The following DLGAP1 variants were observed in gnomAD, a reference collection of about 807,000 sequenced individuals.
The protein encoded by DLGAP1 is disks large-associated protein 1.
DLGAP1 carries 11 observed loss-of-function variants against 90.8 expected under a neutral mutation model. The observed-to-expected ratio is 0.12, with a 90% CI of 0.08 to 0.20. The LOEUF is 0.20. Among genes scored for constraint, DLGAP1 ranks in the 10% least tolerant of loss-of-function variants. The pLI is 1.00. For missense variants in DLGAP1, 1,050 were observed against 1,333.8 expected (o/e 0.79, Z 3.31); for synonymous variants, 558 against 540.7 (o/e 1.03, Z -0.44).
chr18:4,076,594 C>T (rs2075526043), intron 2 of DLGAP1, among the ~76,000 whole-genome samples: 1 of 152,004 alleles, frequency 6.6e-6, no homozygotes, highest in African/African-American at 2.4e-5. Flanking sequence ...ATTTTTCTCA[C>T]AACACTCTGT....
At position 3,893,560 on chromosome 18, in the gene DLGAP1, C is replaced by T. The variant is rs553073023; in HGVS notation, c.-72-13420G>A. Among the ~76,000 whole-genome samples, 5 of 149,622 alleles carry T rather than the reference C, an allele frequency of 3.3e-5. No individual in the cohort carries two copies. The East Asian group carries it at 9.8e-4, about 29-fold the overall frequency. On this transcript the variant is annotated intron_variant, in intron 3 of 12. Transcript: ENST00000315677. ...CACCACTGCACTCCAGCCTGGGCGA[C>T]AAGAGCAAAACTCAATCTCAAAATA...
intron 7 of DLGAP1, among the ~76,000 whole-genome samples, chr18:3,609,784 G>A (rs78262755): frequency 1.3e-5 from 2 of 151,516 alleles, no homozygotes; most frequent in East Asian, 2.0e-4. Context: ...GAGGCCGGGC[G>A]CGGTGGCTCA....
chr18:3,592,018 C>T (rs2056274823), intron 7 of DLGAP1, among the ~76,000 whole-genome samples: 1 of 152,028 alleles, frequency 6.6e-6, no homozygotes, highest in Non-Finnish European at 1.5e-5. Context: ...ATAGGGGGCT[C>T]AACTAGATGA....
chr18:4,101,942 A>T (rs1390697968), intron 2 of DLGAP1, among the ~76,000 whole-genome samples: 1 of 152,058 alleles, frequency 6.6e-6, no homozygotes, highest in Non-Finnish European at 1.5e-5. Context: ...ATACATATAC[A>T]AGCAGTTATA....
At chr18:4,229,719 T>C (rs1324077221) in intron 1 of DLGAP1, among the ~76,000 whole-genome samples, 1 of 151,884 alleles carries the variant, frequency 6.6e-6, no homozygotes, top group East Asian at 1.9e-4. Flanking sequence ...ATGAAACTAC[T>C]ACAAGAAAAC....
Position 3,720,888 on chromosome 18 carries a change from C to CCAAAAAAAAAAAAAAAAAAAA in DLGAP1, c.1591+8246_1591+8247insTTTTTTTTTTTTTTTTTTTTG, listed in dbSNP as rs1441095000. ...GCAACATACTAAGACCTTGTCTCTACAAAAAAAAAAAAAAAAAAAAATTAG... is the reference window on the plus strand; with the variant it reads ...GCAACATACTAAGACCTTGTCTCTACCAAAAAAAAAAAAAAAAAAAAAAAAAAAAAAAAAAAAAAAAATTAG... On this transcript the variant is annotated intron_variant, in intron 7 of 12. Coordinates refer to ENST00000315677, the MANE Select transcript of DLGAP1 (RefSeq NM_004746.4). Among the ~76,000 whole-genome samples, 462 of 50,274 alleles carry CCAAAAAAAAAAAAAAAAAAAA rather than the reference C, an allele frequency of 9.2e-3. 69 individuals carry two copies. The highest frequency in any genetic ancestry group is 0.035 in the African/African-American group (436 of 12,464). The allele number at this position is 50,274 out of a possible 152,430, so 33.0% of individuals were successfully genotyped here. A position where few individuals can be genotyped will look rare whatever the true frequency, so the allele number is the denominator to read the frequency against.
chr18:4,157,671 T>C (rs1028741005), intron 1 of DLGAP1, among the ~76,000 whole-genome samples: 1 of 152,216 alleles, frequency 6.6e-6, no homozygotes, highest in Non-Finnish European at 1.5e-5. Flanking sequence ...GAGCAGGGGC[T>C]GTCTGCACAC....
At chr18:3,589,516 A>G (rs1404535615) in intron 7 of DLGAP1, among the ~76,000 whole-genome samples, 3 of 152,206 alleles carry the variant, frequency 2.0e-5, no homozygotes, top group Non-Finnish European at 4.4e-5. Flanking sequence ...GAGCAAGTCC[A>G]TAAGGAACCA....
intron 2 of DLGAP1, among the ~76,000 whole-genome samples, chr18:4,079,827 G>A (rs999481381): frequency 6.6e-6 from 1 of 151,930 alleles, no homozygotes; most frequent in African/African-American, 2.4e-5. Flanking sequence ...TGAGTTAAGG[G>A]GGAAAAATCC....
At chr18:3,525,170 T>C (rs633882) in intron 10 of DLGAP1, among the ~76,000 whole-genome samples, 6 of 152,216 alleles carry the variant, frequency 3.9e-5, no homozygotes, top group Admixed American at 6.5e-5. Context: ...AATTTTTTTT[T>C]CCCAGTTCCA....
intron 1 of DLGAP1, among the ~76,000 whole-genome samples, chr18:4,312,755 CTA>C (rs2080431520): frequency 6.6e-6 from 1 of 151,952 alleles, no homozygotes; most frequent in African/African-American, 2.4e-5. Context: ...CTGAATAATT[CTA>C]TGATATAATC....
At chr18:4,019,326 C>T (rs1489970504) in intron 2 of DLGAP1, among the ~76,000 whole-genome samples, 1 of 152,060 alleles carries the variant, frequency 6.6e-6, no homozygotes, top group Non-Finnish European at 1.5e-5. Context: ...CTTCTTTTCT[C>T]AGTGGTCTTC....
intron 3 of DLGAP1, among the ~76,000 whole-genome samples, chr18:4,002,410 G>A (rs567087232): frequency 2.6e-5 from 4 of 152,146 alleles, no homozygotes; most frequent in South Asian, 4.2e-4. Context: ...CTGCCACCCC[G>A]AGACAGCAAG....
chr18:4,094,434 G>C (rs754973200), intron 2 of DLGAP1, among the ~76,000 whole-genome samples: 1 of 151,776 alleles, frequency 6.6e-6, no homozygotes, highest in Non-Finnish European at 1.5e-5. Flanking sequence ...CATTTCAGTT[G>C]TTATCTCTAT....
chr18:4,436,422 G>C (rs1378208426), intron 1 of DLGAP1, among the ~76,000 whole-genome samples: 1 of 151,980 alleles, frequency 6.6e-6, no homozygotes, highest in Admixed American at 6.6e-5. Context: ...TTCCAAACTA[G>C]GGCCTGAGAA....
chr18:3,988,648 G>A (rs1189266542), intron 3 of DLGAP1, among the ~76,000 whole-genome samples: 8 of 152,044 alleles, frequency 5.3e-5, no homozygotes, highest in African/African-American at 1.4e-4. Flanking sequence ...GATGGGGAGC[G>A]GCTGCAAATA....
At chr18:3,881,498 T>TC (rs1487048605) in intron 3 of DLGAP1, among the ~76,000 whole-genome samples, 3 of 152,186 alleles carry the variant, frequency 2.0e-5, no homozygotes, top group Non-Finnish European at 4.4e-5. Context: ...GGATCTCTCT[T>TC]CCGGCTTATG....
intron 7 of DLGAP1, among the ~76,000 whole-genome samples, chr18:3,692,654 T>C (rs1239512058): frequency 1.3e-5 from 2 of 152,238 alleles, no homozygotes; most frequent in African/African-American, 2.4e-5. Flanking sequence ...GGCAGCTCTT[T>C]GCTAGCTACT....
intron 1 of DLGAP1, among the ~76,000 whole-genome samples, chr18:4,448,550 T>C (rs1331555943): frequency 6.6e-6 from 1 of 152,126 alleles, no homozygotes; most frequent in Non-Finnish European, 1.5e-5. Context: ...CCATAGTTTA[T>C]AAAAACATGG....
Sources: allele counts gnomAD v4.1 joint callset (sites outside exome capture counted in the v4.1 genomes callset), GRCh38; gene constraint gnomAD v4.1.1; transcripts MANE v1.5; gene names NCBI Gene and HGNC (gene_info 2026-07-23, HGNC 2026-07-21).